AGBL4: variants seen among roughly 807,000 people sequenced by gnomAD.
The protein encoded by AGBL4 is cytosolic carboxypeptidase 6.
Under a neutral mutation model 66.4 loss-of-function variants are expected in AGBL4, and 58 were observed. The ratio of observed to expected loss-of-function variants is 0.87; its 90% CI spans 0.71 to 1.09. AGBL4 has a LOEUF of 1.09. AGBL4 is among the 50% of genes least tolerant of loss of function. AGBL4 has a pLI of 0.00. For missense variants in AGBL4, 579 were observed against 631.0 expected, an observed-to-expected ratio of 0.92 and a Z score of 0.88; for synonymous variants, 234 against 222.9, an observed-to-expected ratio of 1.05 and a Z score of -0.44.
chr1:49,612,445 A>G (rs960001821), intron 3 of AGBL4, among the ~76,000 whole-genome samples: 4 of 152,230 alleles, frequency 2.6e-5, no homozygotes, highest in Non-Finnish European at 1.5e-5. Flanking sequence ...AAAATGAAAA[A>G]AATGAATATT....
intron 4 of AGBL4, among the ~76,000 whole-genome samples, chr1:49,203,103 A>AAAG (rs59326145): frequency 2.0e-5 from 3 of 150,718 alleles, no homozygotes; most frequent in Non-Finnish European, 3.0e-5. Context: ...AAAAAAAAAA[A>AAAG]GAAACAAACA....
chr1:49,480,689 G>A (rs1483300033), intron 3 of AGBL4, among the ~76,000 whole-genome samples: 2 of 152,114 alleles, frequency 1.3e-5, no homozygotes, highest in Non-Finnish European at 1.5e-5. Context: ...TTCCTTTGGT[G>A]TCTTAATCAT....
At chr1:49,668,335 T>C (rs1646408695) in intron 3 of AGBL4, among the ~76,000 whole-genome samples, 1 of 152,180 alleles carries the variant, frequency 6.6e-6, no homozygotes, top group African/African-American at 2.4e-5. Context: ...CAGGCTGTTA[T>C]TTACTGAAAG....
At chr1:48,615,951 T>C (rs534840362) in intron 9 of AGBL4, among the ~76,000 whole-genome samples, 106 of 152,282 alleles carry the variant, frequency 7.0e-4, no homozygotes, top group African/African-American at 2.1e-3. Context: ...GTGGAAGTAA[T>C]GAAAGGGTGA....
intron 5 of AGBL4, among the ~76,000 whole-genome samples, chr1:48,945,014 T>G (rs187265139): frequency 6.6e-6 from 1 of 152,324 alleles, no homozygotes; most frequent in East Asian, 1.9e-4. Context: ...TCATGGAAAC[T>G]ATGTGATTAC....
Position 49,133,149 on chromosome 1 carries a change from A to G in AGBL4, c.378-87349T>C, listed in dbSNP as rs191455231. ...AAACTAACACAGTAACAGAAAACCA[A>G]ACACTGCATGTTCTCACTCATAAGT... On this transcript the variant is annotated intron_variant, in intron 4 of 13. Coordinates refer to ENST00000371839, the MANE Select transcript of AGBL4 (RefSeq NM_032785.4). Among the ~76,000 whole-genome samples the G allele has an allele frequency of 3.7e-3, 565 of 152,304 alleles. 3 individuals are homozygous for G. The highest frequency in any genetic ancestry group is 0.013 in the African/African-American group (527 of 41,560).
At chr1:49,474,806 C>A (rs1646814744) in intron 3 of AGBL4, among the ~76,000 whole-genome samples, 1 of 151,964 alleles carries the variant, frequency 6.6e-6, no homozygotes, top group Non-Finnish European at 1.5e-5. Context: ...GAAAGACTTT[C>A]CAGGTATTTG....
chr1:49,495,284 G>A (rs1036243944), intron 3 of AGBL4, among the ~76,000 whole-genome samples: 17 of 152,084 alleles, frequency 1.1e-4, no homozygotes, highest in African/African-American at 3.4e-4. Context: ...CCCGTGGGCC[G>A]CATGTGGCTC....
rs139400355 is a variant in AGBL4, at chr1:48,538,264, T to A, written c.1364+1378A>T. ...AAGACTTGCCCTAGGTCTTGATGAG[T>A]TGGTTGGAAATCTGGGACTGCAACC... On this transcript the variant is annotated intron_variant, in intron 12 of 13. Transcript: ENST00000371839. 4.6e-5 allele frequency among the ~76,000 whole-genome samples: 7 copies of A among 152,104 alleles called. No homozygotes were observed. In the East Asian group the frequency reaches 1.4e-3, roughly 29 times the overall value.
At chr1:49,739,603 T>C (rs965756232) in intron 2 of AGBL4, among the ~76,000 whole-genome samples, 3 of 152,058 alleles carry the variant, frequency 2.0e-5, no homozygotes, top group Admixed American at 6.5e-5. Context: ...CACATACTTG[T>C]CAGATTCACC....
At chr1:49,348,634 G>A (rs1003242033) in intron 3 of AGBL4, among the ~76,000 whole-genome samples, 109 of 152,316 alleles carry the variant, frequency 7.2e-4, no homozygotes, top group African/African-American at 2.6e-3. Context: ...GAGGAGGACC[G>A]TGCTTTTGGC....
intron 2 of AGBL4, among the ~76,000 whole-genome samples, chr1:49,827,318 T>C (rs1557486316): frequency 6.6e-6 from 1 of 152,024 alleles, no homozygotes; most frequent in Non-Finnish European, 1.5e-5. Context: ...AAGGATTTAA[T>C]AAGAAATTAG....
At chr1:49,378,537 T>C (rs1161102283) in intron 3 of AGBL4, among the ~76,000 whole-genome samples, 1 of 151,918 alleles carries the variant, frequency 6.6e-6, no homozygotes, top group Non-Finnish European at 1.5e-5. Flanking sequence ...TGGGTTTCCA[T>C]GTTTATCAGT....
intron 1 of AGBL4, among the ~76,000 whole-genome samples, chr1:50,019,306 T>TCTCTCTCTCTCA (rs1167835143): frequency 3.5e-4 from 17 of 48,426 alleles, no homozygotes; most frequent in South Asian, 1.6e-3. Flanking sequence ...TCTCTCTCTC[T>TCTCTCTCTCTCA]CACACACACA....
At chr1:49,723,526 G>C (rs1470922947) in intron 2 of AGBL4, among the ~76,000 whole-genome samples, 1 of 151,908 alleles carries the variant, frequency 6.6e-6, no homozygotes, top group African/African-American at 2.4e-5. Flanking sequence ...TTTATTTACT[G>C]TTTCCACAAA....
intron 3 of AGBL4, among the ~76,000 whole-genome samples, chr1:49,348,269 C>A (rs933209458): frequency 1.1e-4 from 16 of 151,630 alleles, no homozygotes; most frequent in Non-Finnish European, 4.4e-5. Context: ...ATACAAAAAA[C>A]TAGCCGGGTA....
intron 3 of AGBL4, among the ~76,000 whole-genome samples, chr1:49,280,549 A>C (rs193051536): frequency 2.6e-5 from 4 of 152,292 alleles, no homozygotes; most frequent in African/African-American, 9.6e-5. Context: ...AAAAGTCTTT[A>C]GGAAGAAGGA....
chr1:48,666,843 C>T (rs74858508), intron 6 of AGBL4, among the ~76,000 whole-genome samples: 12,477 of 152,136 alleles, frequency 0.082, 1,667 homozygotes, highest in African/African-American at 0.28. Flanking sequence ...ATTTATGTAG[C>T]ACTTATTCTT....
intron 3 of AGBL4, among the ~76,000 whole-genome samples, chr1:49,641,598 C>T (rs145557076): frequency 6.6e-6 from 1 of 152,104 alleles, no homozygotes; most frequent in African/African-American, 2.4e-5. Context: ...TATGGTCAGA[C>T]GAGTAATGGT....
Sources: gnomAD v4.1 joint callset for allele counts (sites outside exome capture counted in the v4.1 genomes callset) on GRCh38, gnomAD v4.1.1 for gene constraint, MANE v1.5 for transcripts, NCBI Gene and HGNC (gene_info 2026-07-23, HGNC 2026-07-21) for gene names.